C12orf42: variants seen among roughly 807,000 people sequenced by gnomAD.
C12orf42 encodes uncharacterized protein C12orf42.
C12orf42 carries 25 observed loss-of-function variants against 21.6 expected under a neutral mutation model. The ratio of observed to expected loss-of-function variants is 1.16; its 90% CI spans 0.84 to 1.62. C12orf42 has a LOEUF of 1.62. Ranked by LOEUF, C12orf42 falls within the 40% of genes most tolerant of loss-of-function variation. The pLI, the probability that C12orf42 is intolerant of heterozygous loss-of-function variation, is 0.00. For missense variants in C12orf42, 483 were observed against 459.3 expected (o/e 1.05, Z -0.47); for synonymous variants, 174 against 175.0 (o/e 0.99, Z 0.05).
At chr12:103,337,767 A>G (rs1160564583) in intron 4 of C12orf42, among the ~76,000 whole-genome samples, 1 of 151,900 alleles carries the variant, frequency 6.6e-6, no homozygotes, top group Non-Finnish European at 1.5e-5. Context: ...TCAGAACAAA[A>G]CCTCATTCCC....
At chr12:103,474,454 A>ATGTGTGTGTG (rs371887251) in intron 2 of C12orf42, among the ~76,000 whole-genome samples, 56 of 149,374 alleles carry the variant, frequency 3.7e-4, no homozygotes, top group African/African-American at 1.1e-3. Flanking sequence ...GTATGTATGT[A>ATGTGTGTGTG]TGTGTGTGTG....
chr12:103,197,663 G>C, the C12orf42 span, among the ~76,000 whole-genome samples: 1 of 152,156 alleles, frequency 6.6e-6, no homozygotes, highest in Admixed American at 6.5e-5. Flanking sequence ...CAGAGTTATT[G>C]CACTGGTTGT....
the C12orf42 span, among the ~76,000 whole-genome samples, chr12:103,139,597 AAAAG>A: frequency 6.2e-4 from 95 of 152,126 alleles, no homozygotes; most frequent in Admixed American, 9.2e-4. Context: ...ATCTCTTTAA[AAAAG>A]AAAGAAAGAA....
intron 3 of C12orf42, among the ~76,000 whole-genome samples, chr12:103,378,161 G>A (rs899376226): frequency 6.6e-6 from 1 of 152,136 alleles, no homozygotes; most frequent in Non-Finnish European, 1.5e-5. Context: ...CTGCCCACAT[G>A]CAACCTATTT....
the C12orf42 span, among the ~76,000 whole-genome samples, chr12:103,067,288 A>G: frequency 6.6e-6 from 1 of 152,198 alleles, no homozygotes; most frequent in Admixed American, 6.5e-5. Context: ...CTGTCATGGT[A>G]TTCCACATAG....
intron 10 of C12orf42, among the ~76,000 whole-genome samples, chr12:103,253,321 G>GT (rs57487789): frequency 0.2 from 31,121 of 152,006 alleles, 3,321 homozygotes; most frequent in Middle Eastern, 0.27. Flanking sequence ...ATTTAAAGTA[G>GT]TTTTTTTCTA....
chr12:103,327,800 G>A (rs1439277572), intron 4 of C12orf42, among the ~76,000 whole-genome samples: 1 of 152,162 alleles, frequency 6.6e-6, no homozygotes, highest in Admixed American at 6.5e-5. Context: ...GGTAGAGAAT[G>A]GAAATGTCAA....
rs182675524 is a variant in C12orf42, at chr12:103,481,880, C to T, written c.-21-3433G>A. 3.8e-3 allele frequency among the ~76,000 whole-genome samples: 577 copies of T among 151,426 alleles called. 6 individuals are homozygous for T. Among genetic ancestry groups the T allele is most frequent in the African/African-American group, 0.012 (506 of 41,336 alleles). On this transcript the variant is annotated intron_variant, in intron 1 of 5. Transcript: ENST00000548883. ...TTCTTTTTCTAGTTTCTCCCCTCTA[C>T]GTCTTGGAAGTTATTCATACAATTT... is the stretch of plus-strand genomic sequence containing the variant.
At chr12:103,087,695 G>C in the C12orf42 span, among the ~76,000 whole-genome samples, 1 of 152,160 alleles carries the variant, frequency 6.6e-6, no homozygotes, top group Non-Finnish European at 1.5e-5. Context: ...ATAAAGTAAA[G>C]ACTTATTTTT....
At chr12:103,218,969 A>C in the C12orf42 span, among the ~76,000 whole-genome samples, 1 of 152,198 alleles carries the variant, frequency 6.6e-6, no homozygotes, top group Admixed American at 6.5e-5. Context: ...CCTGGGTTTC[A>C]AGCACAAAAC....
the C12orf42 span, among the ~76,000 whole-genome samples, chr12:103,111,857 C>A: frequency 6.6e-6 from 1 of 152,222 alleles, no homozygotes; most frequent in East Asian, 1.9e-4. Flanking sequence ...CATGAAGAAT[C>A]AGTATTTGAA....
At chr12:103,447,847 A>G (rs1951675442) in intron 2 of C12orf42, among the ~76,000 whole-genome samples, 1 of 151,822 alleles carries the variant, frequency 6.6e-6, no homozygotes, top group Admixed American at 6.6e-5. Flanking sequence ...TAGAATCAAT[A>G]TTGTGAAAAC....
chr12:103,221,068 AAC>A, the C12orf42 span, among the ~76,000 whole-genome samples: 1 of 152,352 alleles, frequency 6.6e-6, no homozygotes, highest in East Asian at 1.9e-4. Context: ...CATCTTCAGC[AAC>A]AGCTGAATGT....
chr12:103,123,372 C>G, the C12orf42 span, among the ~76,000 whole-genome samples: 1 of 152,096 alleles, frequency 6.6e-6, no homozygotes, highest in African/African-American at 2.4e-5. Flanking sequence ...ATGGCAGGAA[C>G]TCCGTTCCCA....
chr12:103,537,786 A>C, the C12orf42 span, among the ~76,000 whole-genome samples: 2 of 152,240 alleles, frequency 1.3e-5, no homozygotes, highest in Non-Finnish European at 2.9e-5. Context: ...TTAAGCAGAC[A>C]CCAGGTCTCC....
the C12orf42 span, among the ~76,000 whole-genome samples, chr12:103,079,192 G>T: frequency 6.6e-6 from 1 of 152,094 alleles, no homozygotes; most frequent in Non-Finnish European, 1.5e-5. Context: ...GAGCCAATGG[G>T]GTTTGAGTAT....
At chr12:103,231,678 T>A in the C12orf42 span, among the ~76,000 whole-genome samples, 1 of 152,204 alleles carries the variant, frequency 6.6e-6, no homozygotes, top group African/African-American at 2.4e-5. Context: ...ACATCCATTG[T>A]CTGGATGTAT....
At chr12:103,139,447 C>G in the C12orf42 span, among the ~76,000 whole-genome samples, 1 of 151,704 alleles carries the variant, frequency 6.6e-6, no homozygotes, top group Non-Finnish European at 1.5e-5. Context: ...CAGAATCATC[C>G]CTATTCTTCT....
the C12orf42 span, among the ~76,000 whole-genome samples, chr12:103,116,381 A>AAAAAAATATATAT: frequency 2.9e-5 from 4 of 136,698 alleles, no homozygotes; most frequent in African/African-American, 1.1e-4. Flanking sequence ...AAAAAAAAAA[A>AAAAAAATATATAT]ATATATATAT....
Sources: allele counts gnomAD v4.1 joint callset (sites outside exome capture counted in the v4.1 genomes callset), GRCh38; gene constraint gnomAD v4.1.1; transcripts MANE v1.5; gene names NCBI Gene and HGNC (gene_info 2026-07-23, HGNC 2026-07-21).